The following SYK variants were observed in gnomAD, a reference collection of about 807,000 sequenced individuals.
The protein encoded by SYK is tyrosine-protein kinase SYK.
Under a neutral mutation model 77.8 loss-of-function variants are expected in SYK, and 16 were observed. The ratio of observed to expected loss-of-function variants is 0.21; its 90% CI spans 0.14 to 0.31. The LOEUF is 0.31. Ranked by LOEUF, SYK falls within the 10% of genes least tolerant of loss-of-function variation. The probability of loss-of-function intolerance (pLI) is 1.00; values close to 1 mark genes in which losing one functional copy is unlikely to be tolerated. For missense variants in SYK, 529 were observed against 814.4 expected (o/e 0.65, Z 4.26); for synonymous variants, 312 against 308.7 (o/e 1.01, Z -0.11).
At chr9:90,818,754 T>A (rs551451832) in intron 1 of SYK, among the ~76,000 whole-genome samples, 4 of 152,386 alleles carry the variant, frequency 2.6e-5, no homozygotes, top group East Asian at 3.9e-4. Context: ...TAACCTTTTA[T>A]GGATGAGGAA....
chr9:90,861,860 A>C (rs1018318749), intron 3 of SYK, among the ~76,000 whole-genome samples: 2 of 152,196 alleles, frequency 1.3e-5, no homozygotes, highest in Non-Finnish European at 2.9e-5. Flanking sequence ...CCCTGTGCTC[A>C]TCACCCTGAG....
intron 1 of SYK, among the ~76,000 whole-genome samples, chr9:90,818,099 G>A (rs1458005868): frequency 6.6e-6 from 1 of 152,094 alleles, no homozygotes; most frequent in Non-Finnish European, 1.5e-5. Flanking sequence ...ATGATCCCAG[G>A]GCAAACATAG....
At chr9:90,840,474 C>T (rs955039029) in intron 1 of SYK, among the ~76,000 whole-genome samples, 3 of 150,836 alleles carry the variant, frequency 2.0e-5, no homozygotes, top group African/African-American at 4.9e-5. Flanking sequence ...CGTGAGCCAC[C>T]GCGCCCGGCC....
chr9:90,891,876 G>A (rs569762014), intron 13 of SYK, among the ~76,000 whole-genome samples: 1 of 152,274 alleles, frequency 6.6e-6, no homozygotes, highest in African/African-American at 2.4e-5. Flanking sequence ...ATCAGTTCCA[G>A]GGTGTGGTCC....
rs1828957451 is a variant in SYK, at chr9:90,895,689, C to A, written c.*89C>A. ...GAGGAATTGATTGTCAGCCACCTCC[C>A]TCTGCCAGTCGGGAGAGCCAGGCTT... On this transcript the variant is annotated 3_prime_UTR_variant, in exon 14 of 14. Coordinates refer to ENST00000375754, the MANE Select transcript of SYK (RefSeq NM_003177.7). This position sits in a 1 kb window ranked among gnomAD's most constrained non-coding sequence, Gnocchi z 4.4. The A allele has an allele frequency of 7.9e-6, 10 of 1,270,578 alleles. No homozygotes were observed. The East Asian group carries it at 2.1e-4, about 27-fold the overall frequency. 78.7% of individuals were successfully genotyped at this position (1,270,578 alleles called of 1,614,324 possible).
At chr9:90,861,502 T>G (rs1314949841) in intron 3 of SYK, among the ~76,000 whole-genome samples, 3 of 151,208 alleles carry the variant, frequency 2.0e-5, no homozygotes, top group South Asian at 4.2e-4. Context: ...TGCCTCCCTT[T>G]CCTGCATTGG....
intron 3 of SYK, 37 bp from the exon 4 acceptor site, chr9:90,862,169 G>A (rs781440915): frequency 1.4e-5 from 21 of 1,552,872 alleles, no homozygotes; most frequent in Middle Eastern, 1.7e-4. Context: ...GGAGACTGGC[G>A]GGCCTGGGGA....
intron 4 of SYK, 74 bp from the exon 5 acceptor site, chr9:90,864,515 C>G: frequency 7.6e-7 from 1 of 1,309,928 alleles, no homozygotes; most frequent in Non-Finnish European, 1.1e-6. Context: ...AACAGTCAGT[C>G]AGTAGCTCTC....
intron 1 of SYK, among the ~76,000 whole-genome samples, chr9:90,843,330 G>T (rs1362999521): frequency 6.6e-6 from 1 of 152,216 alleles, no homozygotes; most frequent in African/African-American, 2.4e-5. Context: ...CAGCACCAGC[G>T]TGTGACTGAC....
chr9:90,892,627 G>T (rs1828839363), intron 13 of SYK, among the ~76,000 whole-genome samples: 3 of 152,180 alleles, frequency 2.0e-5, no homozygotes, highest in Admixed American at 1.3e-4. Context: ...GGAAACACTG[G>T]CCCTAAGAAA....
intron 3 of SYK, 50 bp from the exon 4 acceptor site, chr9:90,862,156 C>A: frequency 1.3e-6 from 2 of 1,561,224 alleles, no homozygotes; most frequent in South Asian, 1.2e-5. Context: ...CAGGGTCCCA[C>A]CTGGAGACTG....
chr9:90,886,278 A>G (rs968802277), intron 11 of SYK, among the ~76,000 whole-genome samples: 1 of 152,268 alleles, frequency 6.6e-6, no homozygotes, highest in Non-Finnish European at 1.5e-5. Context: ...TACCCCGGCT[A>G]GAATGGCTGT....
At chr9:90,844,424 A>C in intron 2 of SYK, 109 bp downstream of exon 2, 1 of 1,253,084 alleles carries the variant, frequency 8.0e-7, no homozygotes, top group African/African-American at 1.5e-5. Context: ...TGCCCAAATA[A>C]CACAACCATC....
intron 3 of SYK, among the ~76,000 whole-genome samples, chr9:90,861,889 GCACCAGGCT>G: frequency 6.6e-6 from 1 of 152,350 alleles, no homozygotes; most frequent in Middle Eastern, 3.4e-3. Context: ...CTGCTACTGA[GCACCAGGCT>G]CTCCTGACCA....
chr9:90,884,826 T>C lies in SYK; in HGVS notation c.1582-2923T>C, dbSNP rs1366819097. ...ATATGTGTACATACACATATACACA[T>C]ATGTGTGTATATACATATACACACA... On this transcript the variant is annotated intron_variant, in intron 11 of 13. Transcript: ENST00000375754. Among the ~76,000 whole-genome samples the C allele has an allele frequency of 5.9e-5, 5 of 84,878 alleles. 1 individual carries two copies. Among genetic ancestry groups the C allele is most frequent in the Admixed American group, 2.7e-4 (2 of 7,304 alleles). The allele number at this position is 84,878 out of a possible 152,430, so 55.7% of individuals were successfully genotyped here.
At chr9:90,865,922 G>A (rs1198234051) in intron 6 of SYK, among the ~76,000 whole-genome samples, 4 of 78,868 alleles carry the variant, frequency 5.1e-5, no homozygotes, top group Non-Finnish European at 8.5e-5. Flanking sequence ...TTTTTGAGAC[G>A]GAGTCTCGCT....
intron 1 of SYK, among the ~76,000 whole-genome samples, chr9:90,806,750 C>T (rs1824853655): frequency 6.6e-6 from 1 of 152,142 alleles, no homozygotes; most frequent in Non-Finnish European, 1.5e-5. Context: ...TGATTTCTTC[C>T]ATCAGGGTGC....
intron 10 of SYK, among the ~76,000 whole-genome samples, chr9:90,878,184 T>C (rs1828016233): frequency 6.6e-6 from 1 of 152,240 alleles, no homozygotes; most frequent in South Asian, 2.1e-4. Flanking sequence ...GCTGACCTTA[T>C]GTTCTCATGA....
Position 90,846,445 on chromosome 9 carries a change from C to T in SYK, c.578+851C>T, listed in dbSNP as rs990828243. Reference sequence around the variant, plus strand: ...CGTAAACTTTTCCTAGATTTAGAAGCGTTTTCTCTGCCTGTCCATCTATTC... The same window carrying T: ...CGTAAACTTTTCCTAGATTTAGAAGTGTTTTCTCTGCCTGTCCATCTATTC... On this transcript the variant is annotated intron_variant, in intron 3 of 13. Coordinates refer to ENST00000375754, the MANE Select transcript of SYK (RefSeq NM_003177.7). Among the ~76,000 whole-genome samples the T allele has an allele frequency of 5.9e-5, 9 of 152,164 alleles. No individual in the cohort carries two copies. The East Asian group carries it at 1.2e-3, about 20-fold the overall frequency.
Sources: gnomAD v4.1 joint callset for allele counts (sites outside exome capture counted in the v4.1 genomes callset) on GRCh38, gnomAD v4.1.1 for gene constraint, Gnocchi (gnomAD v3.1) non-coding constraint, MANE v1.5 for transcripts, NCBI Gene and HGNC (gene_info 2026-07-23, HGNC 2026-07-21) for gene names.